RELA: variants seen among roughly 807,000 people sequenced by gnomAD.
The protein encoded by RELA is RELA proto-oncogene, NF-kB subunit, also known as transcription factor p65.
In RELA, 14 loss-of-function variants were observed where a neutral mutation model predicts 56.7. The ratio of observed to expected loss-of-function variants is 0.25; its 90% CI spans 0.16 to 0.39. The LOEUF (loss-of-function observed/expected upper bound fraction) is 0.39. RELA is among the 10% of genes least tolerant of loss of function. The pLI is 1.00. For synonymous variants in RELA, 315 were observed against 289.7 expected (o/e 1.09, Z -0.89); for missense variants, 559 against 736.4 (o/e 0.76, Z 2.79).
At position 65,654,201 on chromosome 11, in the gene RELA, A is replaced by G; in HGVS notation, c.*177T>C. 1 of 844,404 alleles carries G rather than the reference A, an allele frequency of 1.2e-6. No homozygotes were observed. The highest frequency in any genetic ancestry group is 2.0e-6 in the Non-Finnish European group (1 of 509,886). The allele number at this position is 844,404 out of a possible 1,614,324, so 52.3% of individuals were successfully genotyped here. ...AATGCTTCTGCTTAAGCACCTCCAAAAAGAGAGAGAGATACAGATACTGAC... is the reference window on the plus strand; with the variant it reads ...AATGCTTCTGCTTAAGCACCTCCAAGAAGAGAGAGAGATACAGATACTGAC... On this transcript the variant is annotated 3_prime_UTR_variant, in exon 11 of 11. Transcript: ENST00000406246.
At position 65,654,792 on chromosome 11, in the gene RELA, G is replaced by T; in HGVS notation, c.1242C>A (p.Ala414=). The change falls in exon 11 of 11, where the codon GCC becomes GCA. Residue 414 remains alanine, a synonymous_variant. Transcript: ENST00000406246. ...AQAPAPVPVL[A]PGPPQAVAPP... ...GGGCCACAGCCTGAGGAGGGCCTGGGGCTAGGACTGGGACAGGGGCTGGGG... is the reference window on the plus strand; with the variant it reads ...GGGCCACAGCCTGAGGAGGGCCTGGTGCTAGGACTGGGACAGGGGCTGGGG... 2 of 1,521,480 alleles carry T rather than the reference G, an allele frequency of 1.3e-6. No homozygotes were observed. Among genetic ancestry groups the T allele is most frequent in the Non-Finnish European group, 1.8e-6 (2 of 1,132,282 alleles). 94.2% of individuals were successfully genotyped at this position (1,521,480 alleles called of 1,614,324 possible).
At position 65,654,066 on chromosome 11, in the gene RELA, G is replaced by A. The variant is rs370309242; in HGVS notation, c.*312C>T. 1.4e-4 allele frequency: 58 copies of A among 428,290 alleles called. No homozygotes were observed. The highest frequency in any genetic ancestry group is 9.9e-4 in the African/African-American group (49 of 49,480). 26.5% of individuals were successfully genotyped at this position (428,290 alleles called of 1,614,324 possible). ...TTCTGTCTCTAGGAGAGTACCAGAA[G>A]CTGGAGGATGGGGATGGGGGACCCC... On this transcript the variant is annotated 3_prime_UTR_variant, in exon 11 of 11. Coordinates refer to ENST00000406246, the MANE Select transcript of RELA (RefSeq NM_021975.4).
At chr11:65,662,781 G>A in intron 1 of RELA, 45 bp downstream of exon 1, 2 of 1,195,216 alleles carry the variant, frequency 1.7e-6, no homozygotes, top group South Asian at 4.2e-5. Context: ...CACAGCCGCG[G>A]CGGCCCCGGC....
In RELA at chr11:65,654,195, C is replaced by T; in HGVS notation, c.*183G>A. The T allele has an allele frequency of 1.2e-6, 1 of 818,126 alleles. No homozygotes were observed. Among genetic ancestry groups the T allele is most frequent in the Non-Finnish European group, 2.1e-6 (1 of 487,728 alleles). The allele number at this position is 818,126 out of a possible 1,614,324, so 50.7% of individuals were successfully genotyped here. A position where few individuals can be genotyped will look rare whatever the true frequency, so the allele number is the denominator to read the frequency against. On this transcript the variant is annotated 3_prime_UTR_variant, in exon 11 of 11. Transcript: ENST00000406246. Reference sequence around the variant, plus strand: ...GAAGTTAATGCTTCTGCTTAAGCACCTCCAAAAAGAGAGAGAGATACAGAT... The same window carrying T: ...GAAGTTAATGCTTCTGCTTAAGCACTTCCAAAAAGAGAGAGAGATACAGAT...
intron 9 of RELA, 30 bp from the exon 10 acceptor site, chr11:65,655,792 G>T (rs1395233541): frequency 1.2e-6 from 2 of 1,613,582 alleles, no homozygotes; most frequent in Admixed American, 1.7e-5. Context: ...TCAGTTCTCA[G>T]CCCCAGGGTG....
Position 65,662,087 on chromosome 11 carries a change from C to T in RELA, c.36G>A (p.Glu12=). Reference sequence around the variant, plus strand: ...CATAGGGGCCAGAGGCCTGGGCTGGCTCTGCCAGGGGACACCGCAGCCCCA... The same window carrying T: ...CATAGGGGCCAGAGGCCTGGGCTGGTTCTGCCAGGGGACACCGCAGCCCCA... ...DELFPLIFPA[E]PAQASGPYVE... is the part of the protein sequence containing the mutation. The change falls in exon 3 of 11, where the codon GAG becomes GAA. Residue 12 remains glutamate (E), a splice_region_variant and synonymous_variant. Coordinates refer to ENST00000406246, the MANE Select transcript of RELA (RefSeq NM_021975.4). 1 of 1,610,022 alleles carries T rather than the reference C, an allele frequency of 6.2e-7. No individual in the cohort carries two copies. Among genetic ancestry groups the T allele is most frequent in the Non-Finnish European group, 8.5e-7 (1 of 1,178,490 alleles).
Position 65,662,170 on chromosome 11 carries a change from G to A in RELA, c.34+9C>T. On this transcript the variant is annotated intron_variant, in intron 2 of 10. Coordinates refer to ENST00000406246, the MANE Select transcript of RELA (RefSeq NM_021975.4). The stretch of plus-strand genomic sequence containing the variant: ...GAGCACCTCCCCGACCGCCGCGGGG[G>A]CCACTTACCTGCCGGGAAGATGAGG... 6.3e-7 allele frequency: 1 copy of A among 1,589,246 alleles called. No homozygotes were observed. Among genetic ancestry groups the A allele is most frequent in the Non-Finnish European group, 8.5e-7 (1 of 1,172,208 alleles).
chr11:65,657,853 C>T (rs1475338143), intron 8 of RELA, among the ~76,000 whole-genome samples: 2 of 152,348 alleles, frequency 1.3e-5, no homozygotes, highest in East Asian at 3.9e-4. Context: ...CTGGCACAGG[C>T]CCTGGTACCA....
intron 5 of RELA, 97 bp from the exon 6 acceptor site, chr11:65,659,894 C>T (rs1216920834): frequency 8.9e-6 from 13 of 1,453,468 alleles, no homozygotes; most frequent in South Asian, 1.3e-5. Context: ...GCCGCTGGTG[C>T]GTGTGTGAAA....
rs1856516025 is a variant in RELA at position 65,659,717 on chromosome 11, C to T, written c.508G>A (p.Gly170Ser). The T allele has an allele frequency of 2.5e-6, 4 of 1,613,954 alleles. No homozygotes were observed. In the East Asian group the frequency reaches 8.9e-5, roughly 36 times the overall value. Residue 170 changes from glycine to serine, a missense_variant, in exon 6 of 11, where the codon GGC becomes AGC. Gly to Ser is a moderately conservative substitution (Grantham distance 56, BLOSUM62 0). Transcript: ENST00000406246. Reference sequence around the variant, plus strand: ...ACAGGCGGCAGGCGGAGGGGCCTGCCTGATGGGTCCCGCACTGTCACCTGG... The same window carrying T: ...ACAGGCGGCAGGCGGAGGGGCCTGCTTGATGGGTCCCGCACTGTCACCTGG... ...CFQVTVRDPS[G>S]RPLRLPPVLS...
intron 4 of RELA, chr11:65,660,576 A>G: frequency 3.9e-6 from 1 of 256,092 alleles, no homozygotes; most frequent in Non-Finnish European, 7.6e-6. Flanking sequence ...GTCTTAGCTG[A>G]GGGAGGCCTT....
intron 1 of RELA, chr11:65,662,597 T>G: frequency 2.7e-6 from 1 of 375,374 alleles, no homozygotes; most frequent in Non-Finnish European, 4.7e-6. Context: ...TTCCCTCTGC[T>G]CCCCCACCCA....
upstream of RELA, chr11:65,663,149 G>A (rs1856618133): frequency 4.7e-6 from 1 of 212,268 alleles, no homozygotes; most frequent in Non-Finnish European, 9.2e-6. Context: ...CGCCTGGAGG[G>A]TGGGTCCGCC....
rs1389560079 is a variant in RELA, at chr11:65,662,884, A to G, written c.-52T>C. 2.3e-5 allele frequency: 27 copies of G among 1,179,020 alleles called. No homozygotes were observed. Among genetic ancestry groups the G allele is most frequent in the Non-Finnish European group, 2.5e-5 (24 of 952,930 alleles). 73.0% of individuals were successfully genotyped at this position (1,179,020 alleles called of 1,614,324 possible). Reference sequence around the variant, plus strand: ...GGTCGCAGCTGGGCCCGCGGCGTGCACTACAGACGAGCCATTCGCCAGAGG... The same window carrying G: ...GGTCGCAGCTGGGCCCGCGGCGTGCGCTACAGACGAGCCATTCGCCAGAGG... On this transcript the variant is annotated 5_prime_UTR_variant, in exon 1 of 11. Transcript: ENST00000406246.
In RELA at chr11:65,654,293, C is replaced by T; in HGVS notation, c.*85G>A. On this transcript the variant is annotated 3_prime_UTR_variant, in exon 11 of 11. Transcript: ENST00000406246. ...TCCACAAAGTTGGGGGCAGTTGGAA[C>T]ACACCCCACCAGAATCCGTAAGTGC... 2 of 1,573,160 alleles carry T rather than the reference C, an allele frequency of 1.3e-6. No individual in the cohort carries two copies. Among genetic ancestry groups the T allele is most frequent in the East Asian group, 2.3e-5 (1 of 44,418 alleles).
chr11:65,662,529 T>G, intron 1 of RELA: 2 of 435,846 alleles, frequency 4.6e-6, no homozygotes, highest in East Asian at 7.3e-5. Flanking sequence ...TCTCCCCTAA[T>G]AGGGAAACGA....
At chr11:65,661,904 T>C (rs1856577520) in intron 3 of RELA, 33 bp downstream of exon 3, 7 of 1,606,598 alleles carry the variant, frequency 4.4e-6, no homozygotes, top group Non-Finnish European at 6.0e-6. Context: ...GGTTCCACAG[T>C]CCCTTCCCCG....
Position 65,658,223 on chromosome 11 carries a change from G to T in RELA, c.877+64C>A. On this transcript the variant is annotated intron_variant, in intron 8 of 10. Coordinates refer to ENST00000406246, the MANE Select transcript of RELA (RefSeq NM_021975.4). This position sits in a 1 kb window ranked among gnomAD's most constrained non-coding sequence, Gnocchi z 4.5. ...CCTCAACCACAGCCCCAGACATGCAGTCTTGGCCTCTCTCTCACGGCACAG... is the reference window on the plus strand; with the variant it reads ...CCTCAACCACAGCCCCAGACATGCATTCTTGGCCTCTCTCTCACGGCACAG... The T allele has an allele frequency of 1.5e-6, 2 of 1,297,292 alleles. No homozygotes were observed. The highest frequency in any genetic ancestry group is 2.1e-6 in the Non-Finnish European group (2 of 931,902). The allele number at this position is 1,297,292 out of a possible 1,614,324, so 80.4% of individuals were successfully genotyped here.
chr11:65,654,259 A>T lies in RELA; in HGVS notation c.*119T>A. On this transcript the variant is annotated 3_prime_UTR_variant, in exon 11 of 11. Coordinates refer to ENST00000406246, the MANE Select transcript of RELA (RefSeq NM_021975.4). ...GAATAAAATATGGCTCCCCCCTCCA[A>T]GGAAGACATCCACAAAGTTGGGGGC... 1 of 1,257,790 alleles carries T rather than the reference A, an allele frequency of 8.0e-7. No individual in the cohort carries two copies. The highest frequency in any genetic ancestry group is 1.1e-6 in the Non-Finnish European group (1 of 869,654). 77.9% of individuals were successfully genotyped at this position (1,257,790 alleles called of 1,614,324 possible).
Sources: gnomAD v4.1 joint callset for allele counts (sites outside exome capture counted in the v4.1 genomes callset) on GRCh38, gnomAD v4.1.1 for gene constraint, Gnocchi (gnomAD v3.1) non-coding constraint, MANE v1.5 for transcripts, NCBI Gene and HGNC (gene_info 2026-07-23, HGNC 2026-07-21) for gene names.